Variants in ARHGEF33 observed in about 807,000 individuals in gnomAD.
The protein encoded by ARHGEF33 is Rho guanine nucleotide exchange factor 33.
In ARHGEF33, 72 loss-of-function variants were observed where a neutral mutation model predicts 101.9. That is an observed-to-expected ratio of 0.71 (90% CI 0.58 to 0.86). The LOEUF (loss-of-function observed/expected upper bound fraction) is 0.86, where lower values mean the gene tolerates loss of function less well. ARHGEF33 is among the 40% of genes least tolerant of loss of function. The probability of loss-of-function intolerance (pLI) is 0.00; values close to 1 mark genes in which losing one functional copy is unlikely to be tolerated. For missense variants in ARHGEF33, 1,169 were observed against 1,111.3 expected (o/e 1.05, Z -0.74); for synonymous variants, 499 against 442.5 (o/e 1.13, Z -1.60).
At chr2:38,914,311 C>T (rs1320624732) in intron 2 of ARHGEF33, among the ~76,000 whole-genome samples, 3 of 152,172 alleles carry the variant, frequency 2.0e-5, no homozygotes, top group Admixed American at 6.5e-5. Context: ...AGGGAATGTT[C>T]ATCAGTGGAG....
Position 38,943,935 on chromosome 2 carries a change from A to G in ARHGEF33, c.825A>G (p.Glu275=), listed in dbSNP as rs754030579. 13 of 1,551,994 alleles carry G rather than the reference A, an allele frequency of 8.4e-6. No individual in the cohort carries two copies. The South Asian group carries it at 1.5e-4, about 18-fold the overall frequency. The stretch of plus-strand genomic sequence containing the variant: ...AGACTGTGGCCCTGGAACTGCTTGA[A>G]TCTGAAAGAAAATATGTCATTAACA... ...KRQTVALELL[E]SERKYVINIS... Residue 275 remains glutamate, a synonymous_variant, in exon 10 of 18, where the codon GAA becomes GAG. Coordinates refer to ENST00000409978, the MANE Select transcript of ARHGEF33 (RefSeq NM_001145451.5).
At chr2:38,967,666 C>G (rs751167615) in intron 17 of ARHGEF33, among the ~76,000 whole-genome samples, 16 of 152,080 alleles carry the variant, frequency 1.1e-4, no homozygotes, top group Non-Finnish European at 1.6e-4. Context: ...GCCTCTGCCT[C>G]CCAGGTTCAG....
chr2:38,922,625 A>T (rs1451628390), intron 4 of ARHGEF33, among the ~76,000 whole-genome samples: 5 of 152,216 alleles, frequency 3.3e-5, no homozygotes, highest in African/African-American at 1.2e-4. Flanking sequence ...TACTATGTGT[A>T]AAGTCTACTG....
intron 4 of ARHGEF33, among the ~76,000 whole-genome samples, chr2:38,926,489 T>A (rs1453702715): frequency 6.6e-6 from 1 of 152,194 alleles, no homozygotes; most frequent in African/African-American, 2.4e-5. Context: ...GTTCTCCTGA[T>A]GGCTTCCCCT....
At chr2:38,951,818 T>TA (rs1312820692) in intron 11 of ARHGEF33, among the ~76,000 whole-genome samples, 1 of 152,170 alleles carries the variant, frequency 6.6e-6, no homozygotes, top group Admixed American at 6.5e-5. Flanking sequence ...GGAGATTTTT[T>TA]AAAAAATGTG....
intron 2 of ARHGEF33, among the ~76,000 whole-genome samples, chr2:38,898,548 A>C (rs942448437): frequency 6.6e-6 from 1 of 152,228 alleles, no homozygotes; most frequent in Admixed American, 6.5e-5. Flanking sequence ...GGTTTTTAAC[A>C]TCTCTATATT....
chr2:38,969,853 G>A (rs1401679383), intron 17 of ARHGEF33, among the ~76,000 whole-genome samples: 1 of 152,238 alleles, frequency 6.6e-6, no homozygotes, highest in East Asian at 1.9e-4. Flanking sequence ...CAGGATGGAA[G>A]GCAAACTGTC....
At chr2:38,903,332 A>G (rs1175152869) in intron 2 of ARHGEF33, among the ~76,000 whole-genome samples, 1 of 152,218 alleles carries the variant, frequency 6.6e-6, no homozygotes, top group African/African-American at 2.4e-5. Context: ...ATCACACGCT[A>G]AAGGAAGGGC....
Position 38,951,238 on chromosome 2 carries a change from T to A in ARHGEF33, c.1053+117T>A, listed in dbSNP as rs1221067650. 4 of 972,712 alleles carry A rather than the reference T, an allele frequency of 4.1e-6. No homozygotes were observed. The African/African-American group carries it at 6.6e-5, about 16-fold the overall frequency. 60.3% of individuals were successfully genotyped at this position (972,712 alleles called of 1,614,324 possible). ...AATTTCACAGCTAGAACCACTGAGA[T>A]CTAGTCTAACTTTCTCATTCTACAT... On this transcript the variant is annotated intron_variant, in intron 11 of 17. Coordinates refer to ENST00000409978, the MANE Select transcript of ARHGEF33 (RefSeq NM_001145451.5).
rs967496541 is a variant in ARHGEF33, at chr2:38,938,317, T to C, written c.790+758T>C. Among the ~76,000 whole-genome samples, 10 of 152,086 alleles carry C rather than the reference T, an allele frequency of 6.6e-5. No individual in the cohort carries two copies. In the East Asian group the frequency reaches 1.5e-3, roughly 24 times the overall value. The stretch of plus-strand genomic sequence containing the variant: ...TTGGGAGGACAGGTGGGAGGATCCA[T>C]TGGGCCCAGGAGTTGGAACCAGCCT... On this transcript the variant is annotated intron_variant, in intron 9 of 17. Coordinates refer to ENST00000409978, the MANE Select transcript of ARHGEF33 (RefSeq NM_001145451.5).
intron 7 of ARHGEF33, among the ~76,000 whole-genome samples, chr2:38,932,093 C>G (rs543334791): frequency 2.0e-5 from 3 of 152,142 alleles, no homozygotes; most frequent in African/African-American, 7.2e-5. Context: ...TGGCATACTT[C>G]AAAGTACAGA....
chr2:38,964,455 T>C (rs140946518), intron 16 of ARHGEF33, among the ~76,000 whole-genome samples: 126 of 151,920 alleles, frequency 8.3e-4, no homozygotes, highest in African/African-American at 3.0e-3. Flanking sequence ...CTAACCTCTC[T>C]GCTAATGTTA....
intron 17 of ARHGEF33, among the ~76,000 whole-genome samples, chr2:38,970,907 CCT>C (rs1173145516): frequency 6.6e-6 from 1 of 152,184 alleles, no homozygotes; most frequent in East Asian, 1.9e-4. Flanking sequence ...ATCAGTCCCT[CCT>C]CCATCAATCA....
At position 38,954,366 on chromosome 2, in the gene ARHGEF33, C is replaced by T; in HGVS notation, c.1138-7C>T. On this transcript the variant is annotated splice_polypyrimidine_tract_variant and splice_region_variant and intron_variant, in intron 12 of 17. Coordinates refer to ENST00000409978, the MANE Select transcript of ARHGEF33 (RefSeq NM_001145451.5). ...CTGAAGAGTAACTTGACCTTTCTTT[C>T]ATTCAGGGTGATGAAGAGATTAAAT... The T allele has an allele frequency of 6.5e-7, 1 of 1,529,180 alleles. No homozygotes were observed. The highest frequency in any genetic ancestry group is 1.2e-5 in the South Asian group (1 of 83,566). The allele number at this position is 1,529,180 out of a possible 1,614,324, so 94.7% of individuals were successfully genotyped here.
intron 7 of ARHGEF33, 122 bp downstream of exon 7, chr2:38,931,373 G>A (rs1035922467): frequency 4.7e-5 from 39 of 837,322 alleles, no homozygotes; most frequent in Non-Finnish European, 6.2e-5. Flanking sequence ...GAATTTTTCT[G>A]CTTGTAACTG....
In ARHGEF33 at chr2:38,895,178, A is replaced by T. The variant is rs1032121977; in HGVS notation, c.-158-599A>T. On this transcript the variant is annotated intron_variant, in intron 1 of 17. Coordinates refer to ENST00000409978, the MANE Select transcript of ARHGEF33 (RefSeq NM_001145451.5). ...ATTACTATTACTAAGCCAATCATAC[A>T]GGTCAGGAAACCGAAGTCCAGGAAG... Among the ~76,000 whole-genome samples, 10 of 152,322 alleles carry T rather than the reference A, an allele frequency of 6.6e-5. No homozygotes were observed. In the Middle Eastern group the frequency reaches 0.01, roughly 155 times the overall value.
intron 10 of ARHGEF33, among the ~76,000 whole-genome samples, chr2:38,949,816 A>C (rs1158751914): frequency 6.6e-6 from 1 of 152,212 alleles, no homozygotes; most frequent in East Asian, 1.9e-4. Flanking sequence ...CAGGAAACTT[A>C]CAATTATGGT....
chr2:38,900,397 T>G (rs1666213724), intron 2 of ARHGEF33, among the ~76,000 whole-genome samples: 1 of 152,026 alleles, frequency 6.6e-6, no homozygotes, highest in African/African-American at 2.4e-5. Context: ...GAAAGATATT[T>G]GAGGGATAGA....
intron 10 of ARHGEF33, among the ~76,000 whole-genome samples, chr2:38,945,924 A>G (rs949287965): frequency 6.6e-6 from 1 of 152,172 alleles, no homozygotes; most frequent in Non-Finnish European, 1.5e-5. Context: ...CGGGATTCAA[A>G]CGCAAGCCTG....
Sources: allele counts gnomAD v4.1 joint callset (sites outside exome capture counted in the v4.1 genomes callset), GRCh38; gene constraint gnomAD v4.1.1; transcripts MANE v1.5; gene names NCBI Gene and HGNC (gene_info 2026-07-23, HGNC 2026-07-21).